The following EPB41L1 variants were observed in gnomAD, a reference collection of about 807,000 sequenced individuals.
EPB41L1 encodes the protein erythrocyte membrane protein band 4.1 like 1.
In EPB41L1, 29 loss-of-function variants were observed where a neutral mutation model predicts 97.8. That is an observed-to-expected ratio of 0.30 (90% CI 0.22 to 0.40). The LOEUF (loss-of-function observed/expected upper bound fraction) is 0.40, where lower values mean the gene tolerates loss of function less well. Among genes scored for constraint, EPB41L1 ranks in the 10% least tolerant of loss-of-function variants. EPB41L1 has a pLI of 1.00. For synonymous variants in EPB41L1, 383 were observed against 459.2 expected (o/e 0.83, Z 2.12); for missense variants, 812 against 1,162.3 (o/e 0.70, Z 4.38).
intron 2 of EPB41L1, among the ~76,000 whole-genome samples, chr20:36,133,763 G>A (rs943892853): frequency 3.3e-5 from 5 of 151,800 alleles, no homozygotes; most frequent in Non-Finnish European, 5.9e-5. Context: ...AGGCTGAGGC[G>A]GGAGGATCGC....
chr20:36,222,253 T>G (rs765716582), intron 20 of EPB41L1, 25 bp from the exon 21 acceptor site: 1 of 1,583,152 alleles, frequency 6.3e-7, no homozygotes, highest in South Asian at 1.1e-5. Flanking sequence ...TCATGGTTCC[T>G]TCCTTTGCTG....
At chr20:36,184,241 A>G (rs1272743998) in intron 6 of EPB41L1, among the ~76,000 whole-genome samples, 1 of 152,210 alleles carries the variant, frequency 6.6e-6, no homozygotes, top group Non-Finnish European at 1.5e-5. Flanking sequence ...TCTCAAAAAA[A>G]GAAAAAAAGA....
At chr20:36,174,044 G>A in intron 2 of EPB41L1, 90 bp downstream of exon 2, 1 of 1,365,284 alleles carries the variant, frequency 7.3e-7, no homozygotes. Context: ...TCTGGAGGGA[G>A]GAAAGAAGGA....
At chr20:36,159,719 C>T (rs537915494) in intron 1 of EPB41L1, among the ~76,000 whole-genome samples, 14 of 152,300 alleles carry the variant, frequency 9.2e-5, no homozygotes, top group African/African-American at 3.1e-4. Context: ...CTTGCTATTC[C>T]CTACTTGCCA....
At chr20:36,135,188 C>A (rs968012181) in intron 2 of EPB41L1, among the ~76,000 whole-genome samples, 8 of 152,088 alleles carry the variant, frequency 5.3e-5, no homozygotes, top group Non-Finnish European at 1.0e-4. Context: ...ATTATCACGG[C>A]CTGCAACCCA....
At chr20:36,177,904 G>T (rs372670650) in intron 3 of EPB41L1, 48 bp from the exon 4 acceptor site, 1 of 1,481,382 alleles carries the variant, frequency 6.8e-7, no homozygotes, top group South Asian at 1.1e-5. Context: ...TCCCAGCCTC[G>T]CCCCGGGGTG....
chr20:36,115,844 A>G (rs913189860), intron 2 of EPB41L1, among the ~76,000 whole-genome samples: 1 of 152,178 alleles, frequency 6.6e-6, no homozygotes, highest in Non-Finnish European at 1.5e-5. Context: ...GTGAGTCGCA[A>G]TCGTATGACT....
chr20:36,222,431 G>C, intron 21 of EPB41L1, 37 bp downstream of exon 21: 11 of 1,531,518 alleles, frequency 7.2e-6, no homozygotes, highest in Non-Finnish European at 9.0e-6. Flanking sequence ...TGAGAGAGAG[G>C]AGGGAGCAGT....
chr20:36,119,903 G>A (rs1600399751), intron 2 of EPB41L1, among the ~76,000 whole-genome samples: 3 of 152,068 alleles, frequency 2.0e-5, no homozygotes, highest in Non-Finnish European at 2.9e-5. Context: ...CTCCCTGCCC[G>A]CCCTCCTCCT....
chr20:36,125,460 G>A lies in EPB41L1; in HGVS notation c.-10+12980G>A. On this transcript the variant is annotated intron_variant, in intron 2 of 19. Coordinates refer to the EPB41L1 transcript ENST00000202028. The stretch of plus-strand genomic sequence containing the variant: ...ACCTGCCTCATGGTTTTCTTGGGGA[G>A]GATCAATGAGGTAGAACCTGCAAAG... 1 of 1,022,878 alleles carries A rather than the reference G, an allele frequency of 9.8e-7. No homozygotes were observed. 63.4% of individuals were successfully genotyped at this position (1,022,878 alleles called of 1,614,324 possible).
intron 9 of EPB41L1, 94 bp downstream of exon 9, chr20:36,188,593 C>CACACACACACAT (rs2061786377): frequency 2.2e-6 from 1 of 450,770 alleles, no homozygotes; most frequent in Non-Finnish European, 4.1e-6. Context: ...CACACACACA[C>CACACACACACAT]ACACACACAC....
intron 17 of EPB41L1, among the ~76,000 whole-genome samples, chr20:36,215,730 T>C (rs2063404325): frequency 6.6e-6 from 1 of 152,214 alleles, no homozygotes; most frequent in Non-Finnish European, 1.5e-5. Flanking sequence ...TATTCATTCA[T>C]TTGTTCCAAA....
At chr20:36,193,369 T>C (rs964620839) in intron 11 of EPB41L1, among the ~76,000 whole-genome samples, 7 of 152,326 alleles carry the variant, frequency 4.6e-5, no homozygotes, top group African/African-American at 1.2e-4. Context: ...TATGCATAAA[T>C]GCGTACTTTG....
rs530706748 is a variant in EPB41L1 at position 36,212,691 on chromosome 20, G to C, written c.2184+315G>C. 6.6e-6 allele frequency among the ~76,000 whole-genome samples: 1 copy of C among 152,290 alleles called. No individual in the cohort carries two copies. The highest frequency in any genetic ancestry group is 1.9e-4 in the East Asian group (1 of 5,186). On this transcript the variant is annotated intron_variant, in intron 16 of 21. Coordinates refer to ENST00000338074, the MANE Select transcript of EPB41L1 (RefSeq NM_012156.2). This position sits in a 1 kb window ranked among gnomAD's most constrained non-coding sequence, Gnocchi z 4.8. ...GAGGACTGTACTGACTAGTGGATTGGGACCTTGGTGTTCACATTGCTTGGA... is the reference window on the plus strand; with the variant it reads ...GAGGACTGTACTGACTAGTGGATTGCGACCTTGGTGTTCACATTGCTTGGA...
upstream of EPB41L1, among the ~76,000 whole-genome samples, chr20:36,154,481 G>C (rs991238608): frequency 5.3e-5 from 8 of 151,904 alleles, no homozygotes; most frequent in Admixed American, 2.6e-4. This position sits in a 1 kb window ranked among gnomAD's most constrained non-coding sequence, Gnocchi z 5.5. Context: ...CCGGGAGGAG[G>C]TGGCCTGGGA....
At chr20:36,143,514 G>A (rs2059721367) in intron 2 of EPB41L1, among the ~76,000 whole-genome samples, 1 of 152,114 alleles carries the variant, frequency 6.6e-6, no homozygotes, top group African/African-American at 2.4e-5. Flanking sequence ...AGTCTTTAAT[G>A]TAGGGTTCCT....
rs2146347605 is a variant in EPB41L1 at position 36,190,894 on chromosome 20, A to G, written c.1300+97A>G. 6.7e-7 allele frequency: 1 copy of G among 1,498,584 alleles called. No homozygotes were observed. The highest frequency in any genetic ancestry group is 1.4e-5 in the African/African-American group (1 of 72,748). 92.8% of individuals were successfully genotyped at this position (1,498,584 alleles called of 1,614,324 possible). A position where few individuals can be genotyped will look rare whatever the true frequency, so the allele number is the denominator to read the frequency against. Reference sequence around the variant, plus strand: ...TCTGCAGAATGAGCAGGAAAATGGTAGATGCATCCCAAGTTCATCTGCACC... The same window carrying G: ...TCTGCAGAATGAGCAGGAAAATGGTGGATGCATCCCAAGTTCATCTGCACC... On this transcript the variant is annotated intron_variant, in intron 11 of 21. Coordinates refer to ENST00000338074, the MANE Select transcript of EPB41L1 (RefSeq NM_012156.2). This position sits in a 1 kb window ranked among gnomAD's most constrained non-coding sequence, Gnocchi z 5.8.
intron 14 of EPB41L1, among the ~76,000 whole-genome samples, chr20:36,203,422 A>G (rs2062611915): frequency 6.6e-6 from 1 of 152,256 alleles, no homozygotes; most frequent in Admixed American, 6.5e-5. Flanking sequence ...AACAATCACT[A>G]TACGTTTCCC....
At chr20:36,103,872 A>C (rs2058102683) in intron 1 of EPB41L1, among the ~76,000 whole-genome samples, 1 of 151,506 alleles carries the variant, frequency 6.6e-6, no homozygotes, top group Admixed American at 6.6e-5. Context: ...CTGGCTAATT[A>C]TTTTTGGATT....
Sources: allele counts gnomAD v4.1 joint callset (sites outside exome capture counted in the v4.1 genomes callset), GRCh38; gene constraint gnomAD v4.1.1; non-coding constraint Gnocchi (gnomAD v3.1); transcripts MANE v1.5; gene names NCBI Gene and HGNC (gene_info 2026-07-23, HGNC 2026-07-21).